ROBO2: variants seen among roughly 807,000 people sequenced by gnomAD.
ROBO2 encodes roundabout guidance receptor 2, also known as roundabout homolog 2.
A neutral mutation model predicts 160.8 loss-of-function variants in ROBO2; 53 were observed. The ratio of observed to expected loss-of-function variants is 0.33; its 90% CI spans 0.26 to 0.41. The LOEUF (loss-of-function observed/expected upper bound fraction) is 0.41, where lower values mean the gene tolerates loss of function less well. Ranked by LOEUF, ROBO2 falls within the 10% of genes least tolerant of loss-of-function variation. ROBO2 has a pLI of 1.00. For synonymous variants in ROBO2, 664 were observed against 611.7 expected (o/e 1.09, Z -1.26); for missense variants, 1,577 against 1,722.4 (o/e 0.92, Z 1.49).
chr3:76,335,037 T>A (rs975142075), intron 2 of ROBO2, among the ~76,000 whole-genome samples: 16 of 151,926 alleles, frequency 1.1e-4, no homozygotes, highest in Middle Eastern at 3.4e-3. Context: ...TAAAAAAAAA[T>A]TTTTTTTGTT....
chr3:76,090,056 A>T (rs1259753988), intron 2 of ROBO2, among the ~76,000 whole-genome samples: 1 of 152,186 alleles, frequency 6.6e-6, no homozygotes, highest in African/African-American at 2.4e-5. Flanking sequence ...TGAAATTACA[A>T]ACACACTAAC....
At chr3:77,478,833 A>G (rs2084345805) in intron 3 of ROBO2, among the ~76,000 whole-genome samples, 2 of 152,200 alleles carry the variant, frequency 1.3e-5, no homozygotes, top group Non-Finnish European at 2.9e-5. Flanking sequence ...GGAAGGGATG[A>G]CAATGTATAT....
In ROBO2 at chr3:76,653,965, G is replaced by C. The variant is rs889620709; in HGVS notation, c.110-444049G>C. On this transcript the variant is annotated intron_variant, in intron 2 of 26. Coordinates refer to the ROBO2 transcript ENST00000487694. ...ACTCACCATAAATCTTTGACTTTTA[G>C]AGGCAAGGCTTCCAAACTGAGGTGT... Among the ~76,000 whole-genome samples the C allele has an allele frequency of 5.9e-5, 9 of 152,134 alleles. No individual in the cohort carries two copies. The South Asian group carries it at 1.9e-3, about 32-fold the overall frequency.
intron 2 of ROBO2, among the ~76,000 whole-genome samples, chr3:76,351,035 TTA>T (rs2074840517): frequency 6.6e-6 from 1 of 151,992 alleles, no homozygotes; most frequent in African/African-American, 2.4e-5. Flanking sequence ...GCATTAGCCT[TTA>T]TGTTTTACTA....
chr3:77,118,544 G>T (rs72887974), intron 2 of ROBO2, among the ~76,000 whole-genome samples: 5,106 of 152,206 alleles, frequency 0.034, 313 homozygotes, highest in African/African-American at 0.12. Context: ...TAAAATTGGA[G>T]ATGCTCCCTA....
intron 2 of ROBO2, among the ~76,000 whole-genome samples, chr3:76,252,511 G>A (rs1172845802): frequency 6.6e-6 from 1 of 151,828 alleles, no homozygotes; most frequent in Non-Finnish European, 1.5e-5. Context: ...ATTCGTCACA[G>A]TTCTCCAGAG....
chr3:76,438,265 T>C (rs911082565), intron 2 of ROBO2, among the ~76,000 whole-genome samples: 10 of 152,164 alleles, frequency 6.6e-5, no homozygotes, highest in Non-Finnish European at 1.0e-4. Context: ...CCTCAATTGG[T>C]ATTTTTGCAA....
At chr3:76,503,156 G>A (rs867153728) in intron 2 of ROBO2, among the ~76,000 whole-genome samples, 12 of 152,144 alleles carry the variant, frequency 7.9e-5, no homozygotes, top group African/African-American at 2.2e-4. Flanking sequence ...AGAACCTGGA[G>A]TTCAATATTT....
intron 2 of ROBO2, among the ~76,000 whole-genome samples, chr3:76,003,407 T>C (rs2065941707): frequency 6.6e-6 from 1 of 152,220 alleles, no homozygotes; most frequent in Non-Finnish European, 1.5e-5. Context: ...TAATAAAAAT[T>C]GCTTTTAAAA....
At chr3:76,520,898 G>A (rs753442462) in intron 2 of ROBO2, among the ~76,000 whole-genome samples, 5 of 151,956 alleles carry the variant, frequency 3.3e-5, no homozygotes, top group Admixed American at 2.0e-4. Context: ...TGGACTGTAC[G>A]GTCTCTTAGA....
At chr3:76,176,211 C>T (rs2107055138) in intron 2 of ROBO2, among the ~76,000 whole-genome samples, 1 of 152,114 alleles carries the variant, frequency 6.6e-6, no homozygotes, top group South Asian at 2.1e-4. Context: ...TCCATGCAAG[C>T]CCATCTTTGT....
rs137967596 is a variant in ROBO2, at chr3:76,675,066, G to A, written c.110-422948G>A. The stretch of plus-strand genomic sequence containing the variant: ...AATAGAAGTAGGAGAGGGCTGAAAA[G>A]CAGCCCATAGCCATAGACTATTCTT... On this transcript the variant is annotated intron_variant, in intron 2 of 26. Transcript: ENST00000487694. Among the ~76,000 whole-genome samples the A allele has an allele frequency of 8.5e-5, 13 of 152,278 alleles. No homozygotes were observed. In the East Asian group the frequency reaches 2.5e-3, roughly 29 times the overall value.
chr3:76,886,776 G>C (rs114680668), intron 2 of ROBO2, among the ~76,000 whole-genome samples: 1 of 152,138 alleles, frequency 6.6e-6, no homozygotes, highest in Non-Finnish European at 1.5e-5. Flanking sequence ...TGAGGGTGTG[G>C]TGAGAGATGA....
At chr3:76,758,361 G>A (rs994404595) in intron 2 of ROBO2, among the ~76,000 whole-genome samples, 5 of 151,876 alleles carry the variant, frequency 3.3e-5, no homozygotes, top group African/African-American at 7.2e-5. Context: ...TGTCTTTGGC[G>A]TCAAGGAAGC....
chr3:76,394,694 A>G (rs1442912112), intron 2 of ROBO2, among the ~76,000 whole-genome samples: 1 of 152,134 alleles, frequency 6.6e-6, no homozygotes, highest in Non-Finnish European at 1.5e-5. Flanking sequence ...CTCTGATAAA[A>G]CAGACTTGAA....
intron 2 of ROBO2, among the ~76,000 whole-genome samples, chr3:77,310,974 G>A (rs2063497906): frequency 6.6e-6 from 1 of 152,044 alleles, no homozygotes; most frequent in South Asian, 2.1e-4. Context: ...GTCTTCTGAT[G>A]AGTGAATTGA....
chr3:77,044,613 G>C (rs1443517018), intron 1 of ROBO2, among the ~76,000 whole-genome samples: 1 of 152,034 alleles, frequency 6.6e-6, no homozygotes, highest in Non-Finnish European at 1.5e-5. Flanking sequence ...AGATAGGTGA[G>C]GGTGTTTCTT....
chr3:77,378,731 G>A (rs1011996008), intron 2 of ROBO2, among the ~76,000 whole-genome samples: 12 of 152,220 alleles, frequency 7.9e-5, no homozygotes, highest in Admixed American at 1.3e-4. Flanking sequence ...CTCTTGTGCC[G>A]TCTCTGAACC....
At chr3:76,127,456 CTT>C (rs1226994448) in intron 2 of ROBO2, among the ~76,000 whole-genome samples, 3 of 151,852 alleles carry the variant, frequency 2.0e-5, no homozygotes, top group Non-Finnish European at 1.5e-5. Flanking sequence ...TATTATCTAA[CTT>C]ATATAATTTT....
Sources: allele counts gnomAD v4.1 joint callset (sites outside exome capture counted in the v4.1 genomes callset), GRCh38; gene constraint gnomAD v4.1.1; transcripts MANE v1.5; gene names NCBI Gene and HGNC (gene_info 2026-07-23, HGNC 2026-07-21).